PRKAR1B: variants seen among roughly 807,000 people sequenced by gnomAD.
PRKAR1B encodes cAMP-dependent protein kinase type I-beta regulatory subunit.
Under a neutral mutation model 46.5 loss-of-function variants are expected in PRKAR1B, and 22 were observed. The observed-to-expected ratio is 0.47, with a 90% CI of 0.34 to 0.68. The LOEUF is 0.68. Ranked by LOEUF, PRKAR1B falls within the 30% of genes least tolerant of loss-of-function variation. PRKAR1B has a pLI of 0.01. For missense variants in PRKAR1B, 445 were observed against 535.6 expected (o/e 0.83, Z 1.67); for synonymous variants, 259 against 217.7 (o/e 1.19, Z -1.67).
At chr7:637,395 T>A (rs991660762) in intron 4 of PRKAR1B, among the ~76,000 whole-genome samples, 1 of 148,812 alleles carries the variant, frequency 6.7e-6, no homozygotes, top group Non-Finnish European at 1.5e-5. Flanking sequence ...CCAGCCTGGG[T>A]GAAGGAGTAA....
chr7:635,666 T>C lies in PRKAR1B; in HGVS notation c.441-28214A>G, dbSNP rs536418097. Among the ~76,000 whole-genome samples the C allele has an allele frequency of 3.9e-5, 6 of 152,194 alleles. No homozygotes were observed. In the East Asian group the frequency reaches 1.2e-3, roughly 29 times the overall value. ...TGAACAGCTTAGGAAAAAGGGCTTC[T>C]CCCTCCATGATGGCTGCAGGACGGT... On this transcript the variant is annotated intron_variant, in intron 4 of 10. Transcript: ENST00000537384.
chr7:575,233 C>T (rs1356567782), intron 9 of PRKAR1B, among the ~76,000 whole-genome samples: 1 of 152,212 alleles, frequency 6.6e-6, no homozygotes, highest in East Asian at 1.9e-4. Context: ...ATGGCACAGT[C>T]ATATGGCAGC....
chr7:698,560 G>A (rs1252725639), intron 2 of PRKAR1B, among the ~76,000 whole-genome samples: 1 of 152,040 alleles, frequency 6.6e-6, no homozygotes, highest in African/African-American at 2.4e-5. Flanking sequence ...CTAAGTACAT[G>A]TGTGTGCACA....
intron 5 of PRKAR1B, 30 bp from the exon 6 acceptor site, chr7:606,269 C>A: frequency 6.2e-7 from 1 of 1,605,056 alleles, no homozygotes; most frequent in Non-Finnish European, 8.5e-7. Context: ...TCAACAGATA[C>A]AAAGTACATC....
intron 4 of PRKAR1B, among the ~76,000 whole-genome samples, chr7:671,489 C>T (rs1180607159): frequency 6.6e-6 from 1 of 152,140 alleles, no homozygotes; most frequent in Non-Finnish European, 1.5e-5. Flanking sequence ...GACAGGATCT[C>T]GCTCTGTTGC....
chr7:620,535 A>G (rs1254488005), intron 4 of PRKAR1B, among the ~76,000 whole-genome samples: 1 of 152,138 alleles, frequency 6.6e-6, no homozygotes, highest in Non-Finnish European at 1.5e-5. Context: ...GACAGATTTA[A>G]TATCTTCATT....
rs1411311360 is a variant in PRKAR1B, at chr7:680,649, G to A, written c.255C>T (p.Thr85=). The A allele has an allele frequency of 6.2e-7, 1 of 1,613,326 alleles. No individual in the cohort carries two copies. The highest frequency in any genetic ancestry group is 8.5e-7 in the Non-Finnish European group (1 of 1,179,868). ...SDSHDEEVSP[T]PPNPVVKARR... is the part of the protein sequence containing the mutation. ...GGGCCTTCACCACAGGGTTCGGGGG[G>A]GTGGGCGACACCTCCTCATCATGGG... Residue 85 remains threonine (T), a synonymous_variant, in exon 3 of 11, where the codon ACC becomes ACT. Transcript: ENST00000537384.
At chr7:603,845 G>A (rs1020650309) in intron 6 of PRKAR1B, among the ~76,000 whole-genome samples, 5 of 148,318 alleles carry the variant, frequency 3.4e-5, no homozygotes, top group Non-Finnish European at 6.0e-5. Context: ...GTGACATGGT[G>A]ACACCAGGAC....
At chr7:717,973 T>C (rs1780938102) in intron 1 of PRKAR1B, among the ~76,000 whole-genome samples, 1 of 151,988 alleles carries the variant, frequency 6.6e-6, no homozygotes, top group South Asian at 2.1e-4. Context: ...GCCAGGGGAC[T>C]CTCTCCCTTG....
chr7:646,886 A>C (rs1196121657), intron 4 of PRKAR1B, among the ~76,000 whole-genome samples: 1 of 152,152 alleles, frequency 6.6e-6, no homozygotes, highest in East Asian at 1.9e-4. Context: ...CTGAGCTCAC[A>C]CCCGGCAGGA....
chr7:594,609 C>G (rs761073409), intron 7 of PRKAR1B, among the ~76,000 whole-genome samples: 27 of 152,102 alleles, frequency 1.8e-4, no homozygotes, highest in Non-Finnish European at 3.2e-4. Context: ...AGGAGGAGAC[C>G]TGAGGCCATA....
intron 3 of PRKAR1B, among the ~76,000 whole-genome samples, chr7:679,687 C>A (rs573381079): frequency 6.6e-6 from 1 of 152,322 alleles, no homozygotes; most frequent in Non-Finnish European, 1.5e-5. Context: ...CTCAACTGTG[C>A]ACTCAGAAAT....
chr7:577,597 G>A (rs906423667), intron 9 of PRKAR1B, among the ~76,000 whole-genome samples: 1 of 152,194 alleles, frequency 6.6e-6, no homozygotes, highest in African/African-American at 2.4e-5. Flanking sequence ...TCCTCTCAGG[G>A]AGGCCCCAGG....
Position 570,444 on chromosome 7 carries a change from C to G in PRKAR1B, c.891+8812G>C, listed in dbSNP as rs563074534. Among the ~76,000 whole-genome samples the G allele has an allele frequency of 7.2e-5, 11 of 152,300 alleles. No homozygotes were observed. In the East Asian group the frequency reaches 2.1e-3, roughly 29 times the overall value. On this transcript the variant is annotated intron_variant, in intron 9 of 10. Coordinates refer to ENST00000537384, the MANE Select transcript of PRKAR1B (RefSeq NM_001164760.2). ...CTTGCGTAGCCTCGCCCCACCCTCC[C>G]GCGCTCCTGTGTCCCCGAGGCTGTC...
chr7:694,116 C>T (rs1314030698), intron 2 of PRKAR1B, among the ~76,000 whole-genome samples: 1 of 152,076 alleles, frequency 6.6e-6, no homozygotes, highest in Non-Finnish European at 1.5e-5. Flanking sequence ...AACCCTGTCT[C>T]TACTAAAAAT....
chr7:660,351 G>A (rs371410146), intron 4 of PRKAR1B, among the ~76,000 whole-genome samples: 10 of 151,954 alleles, frequency 6.6e-5, no homozygotes, highest in African/African-American at 1.7e-4. Context: ...CCGCTCCAAC[G>A]GGTCCAAATA....
intron 7 of PRKAR1B, among the ~76,000 whole-genome samples, chr7:591,389 C>A (rs1219925400): frequency 6.6e-6 from 1 of 152,238 alleles, no homozygotes. Context: ...TACAGGGCTT[C>A]CTCAAGCCCA....
upstream of PRKAR1B, chr7:727,326 CG>C (rs1420358719): frequency 7.9e-7 from 1 of 1,261,152 alleles, no homozygotes; most frequent in Non-Finnish European, 1.0e-6. Flanking sequence ...GTGAGCACCC[CG>C]GGCCCCGCTC....
At chr7:697,505 C>A (rs1190942704) in intron 2 of PRKAR1B, among the ~76,000 whole-genome samples, 1 of 152,174 alleles carries the variant, frequency 6.6e-6, no homozygotes, top group Non-Finnish European at 1.5e-5. Context: ...GCGTGCCGGG[C>A]AGGCATGAGT....
Sources: gnomAD v4.1 joint callset for allele counts (sites outside exome capture counted in the v4.1 genomes callset) on GRCh38, gnomAD v4.1.1 for gene constraint, MANE v1.5 for transcripts, NCBI Gene and HGNC (gene_info 2026-07-23, HGNC 2026-07-21) for gene names.